The following SP6 variants were observed in gnomAD, a reference collection of about 807,000 sequenced individuals.
SP6 encodes Sp6 transcription factor, also known as transcription factor Sp6.
SP6 carries 10 observed loss-of-function variants against 23.4 expected under a neutral mutation model. The ratio of observed to expected loss-of-function variants is 0.43; its 90% CI spans 0.26 to 0.72. The LOEUF (loss-of-function observed/expected upper bound fraction) is 0.72. SP6 is among the 30% of genes least tolerant of loss of function. SP6 has a pLI of 0.23. For synonymous variants in SP6, 238 were observed against 238.7 expected, an observed-to-expected ratio of 1.00 and a Z score of 0.03; for missense variants, 482 against 523.8, an observed-to-expected ratio of 0.92 and a Z score of 0.78.
upstream of SP6, among the ~76,000 whole-genome samples, chr17:47,857,992 C>T (rs988576642): frequency 2.0e-5 from 3 of 151,660 alleles, no homozygotes; most frequent in Admixed American, 2.0e-4. Flanking sequence ...TTTGATGTTG[C>T]CGCTGCCTGC....
At position 47,850,292 on chromosome 17, in the gene SP6, G is replaced by T. The variant is rs535387753; in HGVS notation, c.-58+627C>A. Among the ~76,000 whole-genome samples the T allele has an allele frequency of 8.5e-5, 13 of 152,294 alleles. No homozygotes were observed. The South Asian group carries it at 2.7e-3, about 32-fold the overall frequency. On this transcript the variant is annotated intron_variant, in intron 1 of 1. Transcript: ENST00000536300. Reference sequence around the variant, plus strand: ...CAAGATTTCAGAAACCCAAAGCGGGGTGATTCTCAGGTTCTAAGACCAGTC... The same window carrying T: ...CAAGATTTCAGAAACCCAAAGCGGGTTGATTCTCAGGTTCTAAGACCAGTC...
rs1357027175 is a variant in SP6, at chr17:47,848,895, C to T, written c.-57-409G>A. On this transcript the variant is annotated intron_variant, in intron 1 of 1. Transcript: ENST00000536300. The surrounding 1 kb of genome is among the most constrained non-coding windows in gnomAD (Gnocchi z 5.3). ...GAGGATCTAGACACATCTCAGCTTC[C>T]CCAGTTTAACTCAGGATACAGATGG... Among the ~76,000 whole-genome samples the T allele has an allele frequency of 6.6e-6, 1 of 152,080 alleles. No individual in the cohort carries two copies. The highest frequency in any genetic ancestry group is 1.5e-5 in the Non-Finnish European group (1 of 68,012).
the SP6 span, among the ~76,000 whole-genome samples, chr17:47,861,800 C>G: frequency 6.6e-6 from 1 of 152,078 alleles, no homozygotes; most frequent in Non-Finnish European, 1.5e-5. Context: ...AATCCTGGCA[C>G]TTTAGGAGGC....
At chr17:47,851,760 C>T (rs1221146628), upstream of SP6, among the ~76,000 whole-genome samples, 2 of 148,880 alleles carry the variant, frequency 1.3e-5, no homozygotes, top group Non-Finnish European at 3.0e-5. Flanking sequence ...CGCGCCGCTT[C>T]TCTCCACCAC....
chr17:47,858,617 A>G (rs1266490973), upstream of SP6, among the ~76,000 whole-genome samples: 1 of 152,164 alleles, frequency 6.6e-6, no homozygotes, highest in Non-Finnish European at 1.5e-5. Context: ...AATGAGGTGG[A>G]AATGGGCACT....
At position 47,845,156 on chromosome 17, in the gene SP6, TG is replaced by T. The variant is rs1952386693; in HGVS notation, c.*2142del. On this transcript the variant is annotated 3_prime_UTR_variant, in exon 2 of 2. Transcript: ENST00000536300. ...GGGCTTCCATTGGGGGGAGCATCTGTGTCCACCAGCAACACCCATTTGGGAG... is the reference window on the plus strand; with the variant it reads ...GGGCTTCCATTGGGGGGAGCATCTGTTCCACCAGCAACACCCATTTGGGAG... 6.6e-6 allele frequency: 1 copy of T among 152,172 alleles called. No homozygotes were observed. Among genetic ancestry groups the T allele is most frequent in the Non-Finnish European group, 1.5e-5 (1 of 68,040 alleles). 9.4% of individuals were successfully genotyped at this position (152,172 alleles called of 1,614,324 possible). A position where few individuals can be genotyped will look rare whatever the true frequency, so the allele number is the denominator to read the frequency against.
chr17:47,864,244 T>C, the SP6 span, among the ~76,000 whole-genome samples: 1 of 143,046 alleles, frequency 7.0e-6, no homozygotes, highest in East Asian at 1.9e-4. Flanking sequence ...TTTTTTCCTT[T>C]TTTTGTTTTT....
rs1567961418 is a variant in SP6, at chr17:47,848,740, G to A, written c.-57-254C>T. Reference sequence around the variant, plus strand: ...TATGACCCAGCTCATCCCTAGAGTTGGGCCACTCCCAGGATGGTAGGTCAG... The same window carrying A: ...TATGACCCAGCTCATCCCTAGAGTTAGGCCACTCCCAGGATGGTAGGTCAG... On this transcript the variant is annotated intron_variant, in intron 1 of 1. Transcript: ENST00000536300. The surrounding 1 kb of genome is among the most constrained non-coding windows in gnomAD (Gnocchi z 5.3). Among the ~76,000 whole-genome samples the A allele has an allele frequency of 6.6e-6, 1 of 152,008 alleles. No individual in the cohort carries two copies. Among genetic ancestry groups the A allele is most frequent in the Non-Finnish European group, 1.5e-5 (1 of 67,986 alleles).
the SP6 span, among the ~76,000 whole-genome samples, chr17:47,869,613 A>G: frequency 9.8e-5 from 15 of 152,368 alleles, no homozygotes; most frequent in Admixed American, 2.6e-4. Flanking sequence ...CTGGCTCTAA[A>G]GGCGTAAACA....
the SP6 span, among the ~76,000 whole-genome samples, chr17:47,871,423 T>C: frequency 1.3e-5 from 2 of 152,238 alleles, no homozygotes; most frequent in Admixed American, 1.3e-4. Context: ...CCCATTTTCT[T>C]AAGAATTACT....
At chr17:47,865,514 T>TC in the SP6 span, among the ~76,000 whole-genome samples, 2 of 150,872 alleles carry the variant, frequency 1.3e-5, no homozygotes, top group African/African-American at 4.9e-5. Context: ...AGGCTCCACC[T>TC]CCCCCCTCAG....
At chr17:47,862,940 T>G in the SP6 span, among the ~76,000 whole-genome samples, 3 of 152,278 alleles carry the variant, frequency 2.0e-5, no homozygotes, top group African/African-American at 7.2e-5. Flanking sequence ...TGATTGAGCC[T>G]GTGAGCTTCA....
upstream of SP6, among the ~76,000 whole-genome samples, chr17:47,859,931 G>C (rs577003233): frequency 9.9e-5 from 15 of 152,276 alleles, no homozygotes; most frequent in African/African-American, 3.6e-4. Flanking sequence ...ACAGGCAGAG[G>C]CAGAAAAAGC....
chr17:47,849,048 C>T (rs1336297819), intron 1 of SP6, among the ~76,000 whole-genome samples: 1 of 152,154 alleles, frequency 6.6e-6, no homozygotes, highest in Non-Finnish European at 1.5e-5. Context: ...TAATGAAAAG[C>T]ATTTCACCGT....
the SP6 span, among the ~76,000 whole-genome samples, chr17:47,873,117 T>C: frequency 2.0e-5 from 3 of 152,246 alleles, no homozygotes; most frequent in South Asian, 6.2e-4. Context: ...ACACAATTGC[T>C]ATGCAAACCA....
At chr17:47,870,042 C>T in the SP6 span, among the ~76,000 whole-genome samples, 3 of 152,144 alleles carry the variant, frequency 2.0e-5, no homozygotes, top group East Asian at 5.8e-4. Flanking sequence ...GCTAGATTCT[C>T]AGAGAATTTC....
chr17:47,866,011 T>A, the SP6 span, among the ~76,000 whole-genome samples: 1 of 152,208 alleles, frequency 6.6e-6, no homozygotes, highest in Non-Finnish European at 1.5e-5. Context: ...AGGGGAGACA[T>A]GCTTCATCTT....
chr17:47,859,195 G>A (rs1484056052), upstream of SP6, among the ~76,000 whole-genome samples: 1 of 152,084 alleles, frequency 6.6e-6, no homozygotes, highest in Non-Finnish European at 1.5e-5. Context: ...CTTCTCTCCC[G>A]CTGGTCCTCA....
chr17:47,848,289 C>T lies in SP6; in HGVS notation c.141G>A (p.Leu47=). Residue 47 remains leucine, a synonymous_variant, in exon 2 of 2, where the codon CTG becomes CTA. Transcript: ENST00000536300. The surrounding 1 kb of genome is among the most constrained non-coding windows in gnomAD (Gnocchi z 5.3). ...SPEAGDYPSP[L]QPGELQSLPL... ...GGAGGCTCTGCAGCTCTCCAGGCTG[C>T]AGCGGGGAGGGGTAGTCCCCGGCCT... 1 of 1,612,080 alleles carries T rather than the reference C, an allele frequency of 6.2e-7. No homozygotes were observed. The highest frequency in any genetic ancestry group is 2.2e-5 in the East Asian group (1 of 44,842).
Sources: gnomAD v4.1 joint callset for allele counts (sites outside exome capture counted in the v4.1 genomes callset) on GRCh38, gnomAD v4.1.1 for gene constraint, Gnocchi (gnomAD v3.1) non-coding constraint, MANE v1.5 for transcripts, NCBI Gene and HGNC (gene_info 2026-07-23, HGNC 2026-07-21) for gene names.